The following CRTC1 variants were observed in gnomAD, a reference collection of about 807,000 sequenced individuals.
CRTC1 encodes CREB-regulated transcription coactivator 1.
In CRTC1, 18 loss-of-function variants were observed where a neutral mutation model predicts 66.1. That is an observed-to-expected ratio of 0.27 (90% CI 0.19 to 0.40). The LOEUF is 0.40. CRTC1 is among the 10% of genes least tolerant of loss of function. CRTC1 has a pLI of 1.00. For missense variants in CRTC1, 669 were observed against 887.9 expected (o/e 0.75, Z 3.13); for synonymous variants, 416 against 398.8 (o/e 1.04, Z -0.51).
chr19:18,702,689 C>A (rs937801874), intron 1 of CRTC1, among the ~76,000 whole-genome samples: 2 of 151,870 alleles, frequency 1.3e-5, no homozygotes, highest in African/African-American at 4.8e-5. Context: ...TATGCGCCAC[C>A]ACACCCGGCT....
intron 5 of CRTC1, among the ~76,000 whole-genome samples, chr19:18,752,958 A>G (rs2054399609): frequency 6.6e-6 from 1 of 150,890 alleles, no homozygotes; most frequent in Non-Finnish European, 1.5e-5. Flanking sequence ...TAAGTCACAG[A>G]TTCTCTGACT....
rs757346747 is a variant in CRTC1 at position 18,775,859 on chromosome 19, G to A, written c.1693+38G>A. The stretch of plus-strand genomic sequence containing the variant: ...CGGGGGCGCGTGTGCGGCGCCCCAA[G>A]GGGCCTCAGCCCGTGCGGAGACAGC... On this transcript the variant is annotated intron_variant, in intron 13 of 13. Transcript: ENST00000321949. 8 of 1,529,682 alleles carry A rather than the reference G, an allele frequency of 5.2e-6. No individual in the cohort carries two copies. The Admixed American group carries it at 1.5e-4, about 29-fold the overall frequency. The allele number at this position is 1,529,682 out of a possible 1,614,324, so 94.8% of individuals were successfully genotyped here. A position where few individuals can be genotyped will look rare whatever the true frequency, so the allele number is the denominator to read the frequency against.
chr19:18,753,275 C>A (rs1600946555), intron 5 of CRTC1, among the ~76,000 whole-genome samples: 2 of 145,976 alleles, frequency 1.4e-5, no homozygotes, highest in African/African-American at 5.1e-5. Flanking sequence ...GACTCCGTCT[C>A]TAAATAAATA....
intron 1 of CRTC1, among the ~76,000 whole-genome samples, chr19:18,689,266 T>G (rs1026329145): frequency 4.0e-5 from 6 of 151,566 alleles, no homozygotes; most frequent in Admixed American, 3.3e-4. Context: ...GGTTTCTGTC[T>G]CTATGGATTT....
At chr19:18,712,729 G>A (rs2053419568) in intron 1 of CRTC1, among the ~76,000 whole-genome samples, 1 of 152,058 alleles carries the variant, frequency 6.6e-6, no homozygotes, top group Non-Finnish European at 1.5e-5. Context: ...GGAGGCCAAG[G>A]CGGGCAGATC....
chr19:18,728,906 G>A (rs1421221642), intron 1 of CRTC1, among the ~76,000 whole-genome samples: 1 of 145,188 alleles, frequency 6.9e-6, no homozygotes, highest in Non-Finnish European at 1.5e-5. Context: ...TCTACCTCCC[G>A]AGTTCAAGTG....
chr19:18,768,816 CG>C lies in CRTC1; in HGVS notation c.1320+27del. The C allele has an allele frequency of 1.3e-6, 2 of 1,576,252 alleles. No individual in the cohort carries two copies. The highest frequency in any genetic ancestry group is 1.8e-5 in the Admixed American group (1 of 56,012). On this transcript the variant is annotated intron_variant, in intron 10 of 13. Coordinates refer to ENST00000321949, the MANE Select transcript of CRTC1 (RefSeq NM_015321.3). This position sits in a 1 kb window ranked among gnomAD's most constrained non-coding sequence, Gnocchi z 5.6. ...TCGGTAAGCCCAGGGTGGGGTCCCT[CG>C]GGGCCTGACTGGGGGTCTTGTAGAG...
At chr19:18,690,435 G>A (rs986137950) in intron 1 of CRTC1, among the ~76,000 whole-genome samples, 12 of 152,138 alleles carry the variant, frequency 7.9e-5, no homozygotes, top group Non-Finnish European at 1.5e-4. Flanking sequence ...TATACAGGCA[G>A]GACTCCCTGA....
In CRTC1 at chr19:18,774,966, G is replaced by A. The variant is rs776354327; in HGVS notation, c.1492G>A (p.Ala498Thr). 6.2e-7 allele frequency: 1 copy of A among 1,607,180 alleles called. No individual in the cohort carries two copies. The highest frequency in any genetic ancestry group is 8.5e-7 in the Non-Finnish European group (1 of 1,179,950). ...YYEQQMAARQANALSHQLEQF... is the reference protein window; with the variant it reads ...YYEQQMAARQTNALSHQLEQF... ...TGAGCAGCAGATGGCGGCCAGGCAG[G>A]CCAATGCTCTGTCCCACCAGGTGAG... The change falls in exon 12 of 14, where the codon GCC (alanine) becomes ACC (threonine). Residue 498 changes from alanine (A) to threonine (T), a missense_variant. By Grantham distance (58) the Ala-to-Thr change is moderately conservative. Around this residue, in one of 8 missense-constraint regions of CRTC1, gnomAD observed 79 missense variants for 100.1 expected, o/e 0.79. Coordinates refer to ENST00000321949, the MANE Select transcript of CRTC1 (RefSeq NM_015321.3).
At chr19:18,746,508 T>G (rs1183899175) in intron 3 of CRTC1, among the ~76,000 whole-genome samples, 1 of 136,180 alleles carries the variant, frequency 7.3e-6, no homozygotes, top group Admixed American at 7.4e-5. Context: ...AGCCGCCCCT[T>G]GGTGCTCAGC....
chr19:18,703,151 T>A lies in CRTC1; in HGVS notation c.126+19323T>A, dbSNP rs572907076. Among the ~76,000 whole-genome samples, 155 of 152,152 alleles carry A rather than the reference T, an allele frequency of 1.0e-3. 1 individual carries two copies. The highest frequency in any genetic ancestry group is 3.4e-3 in the African/African-American group (142 of 41,526). ...GCGCCTGCCACCACGCCCGGCTAAT[T>A]TTTTTGTGTGTATTTTTAGTAGAGA... On this transcript the variant is annotated intron_variant, in intron 1 of 13. Transcript: ENST00000321949.
At chr19:18,700,491 C>A (rs2053108183) in intron 1 of CRTC1, among the ~76,000 whole-genome samples, 1 of 151,874 alleles carries the variant, frequency 6.6e-6, no homozygotes, top group South Asian at 2.1e-4. Flanking sequence ...AGCTCTCTGC[C>A]ACACTTTTTT....
intron 3 of CRTC1, 29 bp downstream of exon 3, chr19:18,745,989 G>A: frequency 6.3e-7 from 1 of 1,591,722 alleles, no homozygotes; most frequent in Non-Finnish European, 8.6e-7. Context: ...GATGAGGGTG[G>A]GGGCCAGGCC....
Position 18,741,202 on chromosome 19 carries a change from A to G in CRTC1, c.127-1708A>G, listed in dbSNP as rs1015353216. Reference sequence around the variant, plus strand: ...GTTCTGTGTGTCCCCAGTCCTGTAGATTGTCCCCGCATCCCAGGTTTCCTG... The same window carrying G: ...GTTCTGTGTGTCCCCAGTCCTGTAGGTTGTCCCCGCATCCCAGGTTTCCTG... On this transcript the variant is annotated intron_variant, in intron 1 of 13. Coordinates refer to ENST00000321949, the MANE Select transcript of CRTC1 (RefSeq NM_015321.3). The surrounding 1 kb of genome is among the most constrained non-coding windows in gnomAD (Gnocchi z 4.2). Among the ~76,000 whole-genome samples, 1 of 152,146 alleles carries G rather than the reference A, an allele frequency of 6.6e-6. No homozygotes were observed. The highest frequency in any genetic ancestry group is 2.4e-5 in the African/African-American group (1 of 41,438).
intron 2 of CRTC1, among the ~76,000 whole-genome samples, chr19:18,743,719 C>T (rs1168461717): frequency 6.6e-6 from 1 of 152,220 alleles, no homozygotes; most frequent in East Asian, 1.9e-4. Context: ...GGGGCCCCTC[C>T]CAAGTCACCC....
chr19:18,728,256 C>T, intron 1 of CRTC1, among the ~76,000 whole-genome samples: 1 of 152,246 alleles, frequency 6.6e-6, no homozygotes, highest in Non-Finnish European at 1.5e-5. Flanking sequence ...CCCGGCCCAT[C>T]TCTGCCTCTC....
At chr19:18,690,219 C>A (rs960632449) in intron 1 of CRTC1, among the ~76,000 whole-genome samples, 2 of 152,038 alleles carry the variant, frequency 1.3e-5, no homozygotes, top group Non-Finnish European at 2.9e-5. Context: ...GCAAGACAGT[C>A]ATGGTGGCAC....
chr19:18,768,863 A>G lies in CRTC1; in HGVS notation c.1320+70A>G. On this transcript the variant is annotated intron_variant, in intron 10 of 13. Coordinates refer to ENST00000321949, the MANE Select transcript of CRTC1 (RefSeq NM_015321.3). This position sits in a 1 kb window ranked among gnomAD's most constrained non-coding sequence, Gnocchi z 5.6. Reference sequence around the variant, plus strand: ...TAGAGGACAGCCCGGGGGCTGCAGAACAGTCGGGTTACCTGCTGCATGGGC... The same window carrying G: ...TAGAGGACAGCCCGGGGGCTGCAGAGCAGTCGGGTTACCTGCTGCATGGGC... The G allele has an allele frequency of 1.3e-6, 2 of 1,499,468 alleles. No homozygotes were observed. The highest frequency in any genetic ancestry group is 8.9e-7 in the Non-Finnish European group (1 of 1,123,794). The allele number at this position is 1,499,468 out of a possible 1,614,324, so 92.9% of individuals were successfully genotyped here.
At chr19:18,724,196 C>G (rs1043133782) in intron 1 of CRTC1, among the ~76,000 whole-genome samples, 1 of 152,096 alleles carries the variant, frequency 6.6e-6, no homozygotes, top group East Asian at 1.9e-4. Flanking sequence ...TGGTGAGGCC[C>G]CAGGAGGGAG....
Sources: gnomAD v4.1 joint callset for allele counts (sites outside exome capture counted in the v4.1 genomes callset) on GRCh38, gnomAD v4.1.1 for gene constraint, gnomAD v4.1.1 regional missense constraint, Gnocchi (gnomAD v3.1) non-coding constraint, MANE v1.5 for transcripts, NCBI Gene and HGNC (gene_info 2026-07-23, HGNC 2026-07-21) for gene names.